SLC9C2: variants seen among roughly 807,000 people sequenced by gnomAD.
SLC9C2 encodes sodium/hydrogen exchanger 11.
Under a neutral mutation model 140.2 loss-of-function variants are expected in SLC9C2, and 75 were observed. The observed-to-expected ratio is 0.53, with a 90% confidence interval of 0.44 to 0.65. The LOEUF is 0.65. Ranked by LOEUF, SLC9C2 falls within the 30% of genes least tolerant of loss-of-function variation. The probability of loss-of-function intolerance (pLI) is 0.00; values close to 1 mark genes in which losing one functional copy is unlikely to be tolerated. For missense variants in SLC9C2, 1,074 were observed against 1,331.8 expected (o/e 0.81, Z 3.01); for synonymous variants, 375 against 420.9 (o/e 0.89, Z 1.34).
At chr1:173,522,048 G>A (rs1660864997) in intron 21 of SLC9C2, among the ~76,000 whole-genome samples, 1 of 151,952 alleles carries the variant, frequency 6.6e-6, no homozygotes. Flanking sequence ...AATACACGGT[G>A]AAACCCCGTC....
chr1:173,509,974 T>G (rs976210253), intron 23 of SLC9C2, among the ~76,000 whole-genome samples: 3 of 152,246 alleles, frequency 2.0e-5, no homozygotes, highest in Non-Finnish European at 4.4e-5. Flanking sequence ...ATATGGCTCA[T>G]GAGCCCAAAG....
intron 9 of SLC9C2, among the ~76,000 whole-genome samples, chr1:173,564,099 C>T (rs979021367): frequency 6.6e-6 from 1 of 152,128 alleles, no homozygotes; most frequent in Non-Finnish European, 1.5e-5. Flanking sequence ...TTTACCCATT[C>T]ATCTGTTAAT....
In SLC9C2 at chr1:173,557,396, G is replaced by A; in HGVS notation, c.1159C>T (p.Leu387Phe). The change falls in exon 10 of 28, where the codon CTC (leucine) becomes TTC (phenylalanine). Residue 387 changes from leucine to phenylalanine, a missense_variant. Transcript: ENST00000367714. The part of the protein sequence containing the change: ...WSGIKGVFNL[L>F]WAPDVYNLAE... ...AGATTATAAACATCAGGAGCCCAGAGTAAATTAAAAACTCCTTTAATTCCA... is the reference window on the plus strand; with the variant it reads ...AGATTATAAACATCAGGAGCCCAGAATAAATTAAAAACTCCTTTAATTCCA... The A allele has an allele frequency of 6.2e-7, 1 of 1,613,888 alleles. No individual in the cohort carries two copies. The highest frequency in any genetic ancestry group is 8.5e-7 in the Non-Finnish European group (1 of 1,179,906).
At chr1:173,568,625 T>C (rs755513667) in intron 9 of SLC9C2, among the ~76,000 whole-genome samples, 48 of 152,246 alleles carry the variant, frequency 3.2e-4, no homozygotes, top group Non-Finnish European at 6.2e-4. Context: ...AAATGATTTA[T>C]ATTCCTCTGG....
At chr1:173,565,549 T>A (rs1028163994) in intron 9 of SLC9C2, among the ~76,000 whole-genome samples, 1 of 152,236 alleles carries the variant, frequency 6.6e-6, no homozygotes, top group Non-Finnish European at 1.5e-5. Context: ...GGTTCTCTTT[T>A]CTGTTCCATT....
intron 17 of SLC9C2, 62 bp downstream of exon 17, chr1:173,533,547 G>T: frequency 7.7e-7 from 1 of 1,298,260 alleles, no homozygotes; most frequent in Non-Finnish European, 1.1e-6. Context: ...CAAAGTGCTG[G>T]GATTATAGGT....
At chr1:173,582,951 T>G (rs936145067) in intron 6 of SLC9C2, among the ~76,000 whole-genome samples, 2 of 152,244 alleles carry the variant, frequency 1.3e-5, no homozygotes, top group Non-Finnish European at 2.9e-5. Flanking sequence ...GTGTCTATTG[T>G]GACACTATAT....
At chr1:173,512,138 CT>C (rs1369718010) in intron 23 of SLC9C2, among the ~76,000 whole-genome samples, 1 of 152,052 alleles carries the variant, frequency 6.6e-6, no homozygotes, top group African/African-American at 2.4e-5. Flanking sequence ...TATGTGGGCT[CT>C]TTTTTGGTTC....
At chr1:173,502,272 CAAAAA>C (rs34183286) in intron 27 of SLC9C2, among the ~76,000 whole-genome samples, 10 of 40,782 alleles carry the variant, frequency 2.5e-4, no homozygotes, top group Admixed American at 2.3e-3. Flanking sequence ...GATTCCATCT[CAAAAA>C]AAAAAAAAAA....
chr1:173,509,172 A>G (rs10912628), intron 24 of SLC9C2, among the ~76,000 whole-genome samples: 19,243 of 152,142 alleles, frequency 0.13, 4,077 homozygotes, highest in African/African-American at 0.44. Context: ...GGCCAGGCAC[A>G]GTGGCTCACG....
At chr1:173,523,090 T>G (rs9425728) in intron 21 of SLC9C2, among the ~76,000 whole-genome samples, 122,507 of 152,110 alleles carry the variant, frequency 0.81, 50,274 homozygotes, top group East Asian at 1. Flanking sequence ...CAGGGACTTC[T>G]GCCAGGCACA....
intron 13 of SLC9C2, among the ~76,000 whole-genome samples, chr1:173,539,000 T>C (rs547410208): frequency 6.6e-6 from 1 of 152,346 alleles, no homozygotes; most frequent in Non-Finnish European, 1.5e-5. Flanking sequence ...CATTCTATAG[T>C]CTCTCTTGGA....
At chr1:173,533,538 A>G in intron 17 of SLC9C2, 71 bp downstream of exon 17, 1 of 1,223,560 alleles carries the variant, frequency 8.2e-7, no homozygotes, top group Non-Finnish European at 1.1e-6. Context: ...TAGGCCTCCC[A>G]AAGTGCTGGG....
In SLC9C2 at chr1:173,597,892, A is replaced by G; in HGVS notation, c.357+12T>C. ...AAGAATTGATCGTACTTTGTTTTAAATGTGTTCTTACCTGCCAAAACATTT... is the reference window on the plus strand; with the variant it reads ...AAGAATTGATCGTACTTTGTTTTAAGTGTGTTCTTACCTGCCAAAACATTT... On this transcript the variant is annotated intron_variant, in intron 4 of 27. Transcript: ENST00000367714. The G allele has an allele frequency of 6.4e-7, 1 of 1,570,688 alleles. No homozygotes were observed. The highest frequency in any genetic ancestry group is 8.6e-7 in the Non-Finnish European group (1 of 1,160,278).
At chr1:173,560,430 G>T (rs776721883) in intron 9 of SLC9C2, among the ~76,000 whole-genome samples, 1 of 152,188 alleles carries the variant, frequency 6.6e-6, no homozygotes, top group African/African-American at 2.4e-5. Flanking sequence ...CCTCTCAAGG[G>T]ATAGCCCTTG....
At chr1:173,538,874 C>G (rs1008219926) in intron 13 of SLC9C2, among the ~76,000 whole-genome samples, 2 of 152,064 alleles carry the variant, frequency 1.3e-5, no homozygotes, top group East Asian at 3.9e-4. Flanking sequence ...TGTGCTTTGA[C>G]TTAATATCAT....
chr1:173,511,185 C>G (rs1292746882), intron 23 of SLC9C2, among the ~76,000 whole-genome samples: 1 of 151,946 alleles, frequency 6.6e-6, no homozygotes, highest in Admixed American at 6.6e-5. Flanking sequence ...AAGTGCGCCA[C>G]CATGCCCAGC....
intron 9 of SLC9C2, among the ~76,000 whole-genome samples, chr1:173,565,659 T>G (rs1664423879): frequency 6.6e-6 from 1 of 152,188 alleles, no homozygotes; most frequent in East Asian, 1.9e-4. Flanking sequence ...CCACTTTTGT[T>G]TTTTTTGCTC....
chr1:173,560,048 C>T (rs912490177), intron 9 of SLC9C2, among the ~76,000 whole-genome samples: 6 of 152,184 alleles, frequency 3.9e-5, no homozygotes, highest in Non-Finnish European at 7.4e-5. Flanking sequence ...TTAACAAAGT[C>T]TTCTTCAGCA....
Sources: gnomAD v4.1 joint callset for allele counts (sites outside exome capture counted in the v4.1 genomes callset) on GRCh38, gnomAD v4.1.1 for gene constraint, MANE v1.5 for transcripts, NCBI Gene and HGNC (gene_info 2026-07-23, HGNC 2026-07-21) for gene names.